The following SRP54 variants were observed in gnomAD, a reference collection of about 807,000 sequenced individuals.
SRP54 encodes the protein signal recognition particle subunit SRP54.
SRP54 carries 10 observed loss-of-function variants against 64.8 expected under a neutral mutation model. The ratio of observed to expected loss-of-function variants is 0.15; its 90% CI spans 0.10 to 0.26. SRP54 has a LOEUF of 0.26. SRP54 is among the 10% of genes least tolerant of loss of function. SRP54 has a pLI of 1.00. For synonymous variants in SRP54, 193 were observed against 185.6 expected (o/e 1.04, Z -0.32); for missense variants, 325 against 613.7 (o/e 0.53, Z 4.97).
At chr14:35,001,056 C>G (rs2044162161) in intron 4 of SRP54, 36 bp downstream of exon 4, 1 of 1,139,718 alleles carries the variant, frequency 8.8e-7, no homozygotes, top group Admixed American at 2.5e-5. Flanking sequence ...TGATTCTATA[C>G]TCAGTGGATA....
intron 4 of SRP54, among the ~76,000 whole-genome samples, chr14:35,006,296 G>A (rs1305147865): frequency 6.6e-6 from 1 of 152,124 alleles, no homozygotes; most frequent in African/African-American, 2.4e-5. Context: ...AGTTTGACCT[G>A]GAAAATCTTT....
chr14:35,025,468 ACATTACATCACTGTAATGT>A (rs1441242285), intron 14 of SRP54, among the ~76,000 whole-genome samples: 1 of 152,190 alleles, frequency 6.6e-6, no homozygotes, highest in African/African-American at 2.4e-5. Context: ...ACTAATAAAC[ACATTACATCACTGTAATGT>A]CTTTCCCATG....
chr14:34,998,985 G>A (rs1474096267), intron 2 of SRP54, among the ~76,000 whole-genome samples: 1 of 93,266 alleles, frequency 1.1e-5, no homozygotes, highest in African/African-American at 3.5e-5. Context: ...GTGTGTGTGT[G>A]TGTGTGTGTG....
At chr14:35,012,338 G>T (rs769022101) in intron 8 of SRP54, among the ~76,000 whole-genome samples, 1 of 151,466 alleles carries the variant, frequency 6.6e-6, no homozygotes, top group Non-Finnish European at 1.5e-5. Flanking sequence ...TTATCATTTT[G>T]TGTCTCTTTA....
chr14:35,028,968 TTTAGAAGTACTTA>T, intron 15 of SRP54, 80 bp from the exon 16 acceptor site: 1 of 1,017,382 alleles, frequency 9.8e-7, no homozygotes, highest in South Asian at 1.5e-5. Context: ...ATTCAGTATT[TTTAGAAGTACTTA>T]TTAGGCAAAA....
At chr14:34,992,285 A>G in intron 1 of SRP54, among the ~76,000 whole-genome samples, 1 of 151,954 alleles carries the variant, frequency 6.6e-6, no homozygotes, top group Non-Finnish European at 1.5e-5. Flanking sequence ...ATTATATAAT[A>G]AAATATATTT....
intron 1 of SRP54, among the ~76,000 whole-genome samples, chr14:34,987,862 T>G (rs764088875): frequency 1.3e-5 from 2 of 152,236 alleles, no homozygotes; most frequent in African/African-American, 4.8e-5. Context: ...ATACTACATA[T>G]GCAGTTTTGT....
chr14:34,995,176 TGTGTGTGTGTGTAGAG>T (rs2044051799), intron 1 of SRP54, among the ~76,000 whole-genome samples: 1 of 121,040 alleles, frequency 8.3e-6, no homozygotes, highest in Non-Finnish European at 2.0e-5. Context: ...TGTGTGTGTG[TGTGTGTGTGTGTAGAG>T]AGAGAGAGGG....
At chr14:35,022,576 C>T (rs972024158) in intron 13 of SRP54, among the ~76,000 whole-genome samples, 6 of 152,040 alleles carry the variant, frequency 3.9e-5, no homozygotes, top group African/African-American at 1.4e-4. Flanking sequence ...AGGCTGGTGT[C>T]GAACTCCTGA....
intron 14 of SRP54, among the ~76,000 whole-genome samples, chr14:35,023,848 T>C (rs2044576569): frequency 6.6e-6 from 1 of 150,768 alleles, no homozygotes; most frequent in Admixed American, 6.6e-5. Context: ...ACTGTTTAAG[T>C]TATGCATGTA....
intron 13 of SRP54, among the ~76,000 whole-genome samples, chr14:35,020,923 T>C (rs1023189305): frequency 6.6e-6 from 1 of 152,222 alleles, no homozygotes; most frequent in Non-Finnish European, 1.5e-5. Context: ...CTTCTTTGAA[T>C]TAACGCCCCT....
At chr14:34,998,999 GT>G (rs1566645531) in intron 2 of SRP54, among the ~76,000 whole-genome samples, 4 of 96,944 alleles carry the variant, frequency 4.1e-5, no homozygotes, top group African/African-American at 1.4e-4. Context: ...GTGTGTGTGT[GT>G]GTGTGTGTGT....
chr14:34,993,376 T>C (rs2044012815), intron 1 of SRP54: 1 of 152,358 alleles, frequency 6.6e-6, no homozygotes, highest in African/African-American at 2.4e-5. Flanking sequence ...TAAAAAGTCC[T>C]GGATCTTTTC....
chr14:34,991,895 T>C (rs1159919248), intron 1 of SRP54, among the ~76,000 whole-genome samples: 1 of 152,196 alleles, frequency 6.6e-6, no homozygotes, highest in Non-Finnish European at 1.5e-5. Context: ...TTATTAGATG[T>C]TCTTACTCCT....
At chr14:35,028,783 A>T (rs954423345) in intron 15 of SRP54, among the ~76,000 whole-genome samples, 3 of 152,130 alleles carry the variant, frequency 2.0e-5, no homozygotes, top group African/African-American at 4.8e-5. Flanking sequence ...GTTTAGATTT[A>T]TTGACTATGT....
intron 13 of SRP54, among the ~76,000 whole-genome samples, chr14:35,020,932 C>A (rs1221527976): frequency 6.6e-6 from 1 of 152,160 alleles, no homozygotes; most frequent in Admixed American, 6.6e-5. Context: ...ATTAACGCCC[C>A]TTCCTCTATT....
chr14:35,000,576 GA>G (rs1216602155), intron 3 of SRP54, among the ~76,000 whole-genome samples: 1 of 146,318 alleles, frequency 6.8e-6, no homozygotes, highest in Non-Finnish European at 1.5e-5. Context: ...AAAAAAAAAA[GA>G]AAAAAGAAAG....
rs1342198371 is a variant in SRP54, at chr14:35,000,997, G to A, written c.232G>A (p.Ala78Thr). ...GLNKRKMIQH[A>T]VFKELVKLVD... ...TAACAAAAGAAAAATGATTCAGCAT[G>A]CTGTATTTAAAGAACTTGTGAAGGT... is the stretch of plus-strand genomic sequence containing the variant. Residue 78 changes from alanine to threonine, a missense_variant, in exon 4 of 16, where the codon GCT (alanine) becomes ACT (threonine). Ala to Thr is a moderately conservative substitution (Grantham distance 58). This residue lies in a region of SRP54 where 156 missense variants were observed against 254.6 expected (regional missense o/e 0.61). Coordinates refer to ENST00000216774, the MANE Select transcript of SRP54 (RefSeq NM_003136.4). 5 of 1,592,312 alleles carry A rather than the reference G, an allele frequency of 3.1e-6. No individual in the cohort carries two copies. The highest frequency in any genetic ancestry group is 8.6e-7 in the Non-Finnish European group (1 of 1,168,670).
intron 13 of SRP54, among the ~76,000 whole-genome samples, chr14:35,020,537 A>G (rs1474178829): frequency 1.3e-5 from 2 of 152,200 alleles, no homozygotes; most frequent in Admixed American, 6.5e-5. Flanking sequence ...TATTCTAACA[A>G]TTTGAACAAT....
Sources: allele counts gnomAD v4.1 joint callset (sites outside exome capture counted in the v4.1 genomes callset), GRCh38; gene constraint gnomAD v4.1.1; regional missense constraint gnomAD v4.1.1; transcripts MANE v1.5; gene names NCBI Gene and HGNC (gene_info 2026-07-23, HGNC 2026-07-21).